The following TESK1 variants were observed in gnomAD, a reference collection of about 807,000 sequenced individuals.
TESK1 encodes the protein testis associated actin remodelling kinase 1, also known as dual specificity testis-specific protein kinase 1.
TESK1 carries 18 observed loss-of-function variants against 59.9 expected under a neutral mutation model. That is an observed-to-expected ratio of 0.30 (90% CI 0.21 to 0.45). The LOEUF (loss-of-function observed/expected upper bound fraction) is 0.45, where lower values mean the gene tolerates loss of function less well. Ranked by LOEUF, TESK1 falls within the 20% of genes least tolerant of loss-of-function variation. TESK1 has a pLI of 1.00. For synonymous variants in TESK1, 341 were observed against 357.4 expected, an observed-to-expected ratio of 0.95 and a Z score of 0.52; for missense variants, 748 against 840.9, an observed-to-expected ratio of 0.89 and a Z score of 1.37.
chr9:35,608,318 G>C lies in TESK1; in HGVS notation c.885+69G>C. On this transcript the variant is annotated intron_variant, in intron 8 of 9. Transcript: ENST00000336395. ...GTAAGCTGCCATGGCTGCCCTGTGG[G>C]ACCCAGGTGATGGGAGGAAACTCAG... 7 of 1,609,162 alleles carry C rather than the reference G, an allele frequency of 4.4e-6. No individual in the cohort carries two copies. The South Asian group carries it at 7.7e-5, about 18-fold the overall frequency.
In TESK1 at chr9:35,609,851, C is replaced by A. The variant is rs1429646677; in HGVS notation, c.*109C>A. The A allele has an allele frequency of 1.5e-6, 2 of 1,321,670 alleles. No homozygotes were observed. The highest frequency in any genetic ancestry group is 3.0e-5 in the African/African-American group (2 of 67,504). 81.9% of individuals were successfully genotyped at this position (1,321,670 alleles called of 1,614,324 possible). ...GTTCCAGATGGGCTGACCGGCTCTT[C>A]TCCCCGTGTAGGGGAGCCCCAGCAT... On this transcript the variant is annotated 3_prime_UTR_variant, in exon 10 of 10. Coordinates refer to ENST00000336395, the MANE Select transcript of TESK1 (RefSeq NM_006285.3). This position sits in a 1 kb window ranked among gnomAD's most constrained non-coding sequence, Gnocchi z 6.7.
chr9:35,609,022 C>T lies in TESK1; in HGVS notation c.1161C>T (p.Leu387=). ...ACCCCTTCTCACTACGGGAAGACCT[C>T]AGGGGTGGCAAGATCAAGCTCTTAG... is the stretch of plus-strand genomic sequence containing the variant. ...RVNPFSLRED[L]RGGKIKLLDT... Residue 387 remains leucine (L), a synonymous_variant, in exon 10 of 10, where the codon CTC becomes CTT. Transcript: ENST00000336395. This position sits in a 1 kb window ranked among gnomAD's most constrained non-coding sequence, Gnocchi z 6.7. 1.9e-6 allele frequency: 3 copies of T among 1,614,212 alleles called. No individual in the cohort carries two copies. Among genetic ancestry groups the T allele is most frequent in the Non-Finnish European group, 2.5e-6 (3 of 1,180,036 alleles).
At position 35,607,800 on chromosome 9, in the gene TESK1, C is replaced by A; in HGVS notation, c.711+128C>A. On this transcript the variant is annotated intron_variant, in intron 6 of 9. Coordinates refer to ENST00000336395, the MANE Select transcript of TESK1 (RefSeq NM_006285.3). The surrounding 1 kb of genome is among the most constrained non-coding windows in gnomAD (Gnocchi z 4.5). The stretch of plus-strand genomic sequence containing the variant: ...GTCCCCAAGATCCCTTTGCCCCTCA[C>A]AGGCACCCTTCTAACACATGAAAAC... The A allele has an allele frequency of 5.5e-6, 7 of 1,280,850 alleles. No individual in the cohort carries two copies. The South Asian group carries it at 9.2e-5, about 17-fold the overall frequency. The allele number at this position is 1,280,850 out of a possible 1,614,324, so 79.3% of individuals were successfully genotyped here.
Position 35,609,819 on chromosome 9 carries a change from A to G in TESK1, c.*77A>G. On this transcript the variant is annotated 3_prime_UTR_variant, in exon 10 of 10. Transcript: ENST00000336395. The surrounding 1 kb of genome is among the most constrained non-coding windows in gnomAD (Gnocchi z 6.7). ...TAAGAACAGAGCACACTTGCTGGAC[A>G]GTGCCAGTTCCAGATGGGCTGACCG... The G allele has an allele frequency of 7.0e-7, 1 of 1,435,636 alleles. No homozygotes were observed. Among genetic ancestry groups the G allele is most frequent in the Non-Finnish European group, 9.2e-7 (1 of 1,090,708 alleles). 88.9% of individuals were successfully genotyped at this position (1,435,636 alleles called of 1,614,324 possible).
rs537640834 is a variant in TESK1 at position 35,609,877 on chromosome 9, G to C, written c.*135G>C. ...TCCCCGTGTAGGGGAGCCCCAGCATGGACTCAAGGGACAGAGCACTTCCAG... is the reference window on the plus strand; with the variant it reads ...TCCCCGTGTAGGGGAGCCCCAGCATCGACTCAAGGGACAGAGCACTTCCAG... On this transcript the variant is annotated 3_prime_UTR_variant, in exon 10 of 10. Transcript: ENST00000336395. This position sits in a 1 kb window ranked among gnomAD's most constrained non-coding sequence, Gnocchi z 6.7. The C allele has an allele frequency of 2.7e-5, 29 of 1,080,724 alleles. No homozygotes were observed. The East Asian group carries it at 7.5e-4, about 28-fold the overall frequency. 66.9% of individuals were successfully genotyped at this position (1,080,724 alleles called of 1,614,324 possible). A position where few individuals can be genotyped will look rare whatever the true frequency, so the allele number is the denominator to read the frequency against.
intron 8 of TESK1, 65 bp from the exon 9 acceptor site, chr9:35,608,330 G>A: frequency 1.2e-6 from 2 of 1,608,960 alleles, no homozygotes; most frequent in Admixed American, 3.3e-5. Flanking sequence ...CCCAGGTGAT[G>A]GGAGGAAACT....
Position 35,605,545 on chromosome 9 carries a change from G to A in TESK1, c.-75G>A. 2.6e-6 allele frequency: 1 copy of A among 381,998 alleles called. No homozygotes were observed. Among genetic ancestry groups the A allele is most frequent in the Non-Finnish European group, 4.2e-6 (1 of 238,522 alleles). 23.7% of individuals were successfully genotyped at this position (381,998 alleles called of 1,614,324 possible). A position where few individuals can be genotyped will look rare whatever the true frequency, so the allele number is the denominator to read the frequency against. On this transcript the variant is annotated 5_prime_UTR_variant, in exon 1 of 10. Coordinates refer to ENST00000336395, the MANE Select transcript of TESK1 (RefSeq NM_006285.3). The stretch of plus-strand genomic sequence containing the variant: ...GCGCCCGGGATCGGGCTGGGCCCGC[G>A]CCCATGGCAAGCGCGGCCTGCCCGG...
At position 35,607,917 on chromosome 9, in the gene TESK1, C is replaced by G; in HGVS notation, c.712-11C>G. 6.2e-7 allele frequency: 1 copy of G among 1,613,616 alleles called. No homozygotes were observed. Reference sequence around the variant, plus strand: ...TAATTCTTCCCCGACACTATTATCTCTGACCCCCAGGCTGATGTCTTTGCC... The same window carrying G: ...TAATTCTTCCCCGACACTATTATCTGTGACCCCCAGGCTGATGTCTTTGCC... On this transcript the variant is annotated splice_polypyrimidine_tract_variant and intron_variant, in intron 6 of 9. Transcript: ENST00000336395. This position sits in a 1 kb window ranked among gnomAD's most constrained non-coding sequence, Gnocchi z 4.5.
rs1822880921 is a variant in TESK1 at position 35,607,910 on chromosome 9, A to G, written c.712-18A>G. The stretch of plus-strand genomic sequence containing the variant: ...AAACTGTTAATTCTTCCCCGACACT[A>G]TTATCTCTGACCCCCAGGCTGATGT... On this transcript the variant is annotated intron_variant, in intron 6 of 9. Transcript: ENST00000336395. The surrounding 1 kb of genome is among the most constrained non-coding windows in gnomAD (Gnocchi z 4.5). 2.5e-6 allele frequency: 4 copies of G among 1,612,476 alleles called. No homozygotes were observed. Among genetic ancestry groups the G allele is most frequent in the Admixed American group, 1.7e-5 (1 of 59,800 alleles).
chr9:35,608,981 A>G lies in TESK1; in HGVS notation c.1120A>G (p.Asn374Asp), dbSNP rs998062492. The G allele has an allele frequency of 6.2e-7, 1 of 1,614,174 alleles. No individual in the cohort carries two copies. The highest frequency in any genetic ancestry group is 8.5e-7 in the Non-Finnish European group (1 of 1,180,020). ...SPESPPNWGD[N>D]LTRVNPFSLR... ...AGAATCACCCCCCAACTGGGGGGAC[A>G]ATCTGACTCGAGTCAACCCCTTCTC... Residue 374 changes from asparagine to aspartate, a missense_variant, in exon 10 of 10, where the codon AAT becomes GAT. This residue lies in a region of TESK1 where 447 missense variants were observed against 466.1 expected (regional missense o/e 0.96). Transcript: ENST00000336395.
rs780729192 is a variant in TESK1, at chr9:35,609,759, C to G, written c.*17C>G. On this transcript the variant is annotated 3_prime_UTR_variant, in exon 10 of 10. Coordinates refer to ENST00000336395, the MANE Select transcript of TESK1 (RefSeq NM_006285.3). This position sits in a 1 kb window ranked among gnomAD's most constrained non-coding sequence, Gnocchi z 6.7. Reference sequence around the variant, plus strand: ...CGCTCTTAGCAGTGGAGCCCGTGGTCTCAGGCCTCCAACTTTGGCCTTCAG... The same window carrying G: ...CGCTCTTAGCAGTGGAGCCCGTGGTGTCAGGCCTCCAACTTTGGCCTTCAG... 1.5e-5 allele frequency: 23 copies of G among 1,550,200 alleles called. No homozygotes were observed. The South Asian group carries it at 2.2e-4, about 15-fold the overall frequency.
rs765676390 is a variant in TESK1 at position 35,607,295 on chromosome 9, G to A, written c.538-32G>A. Reference sequence around the variant, plus strand: ...GAGGCCAGACAGCAGAAGGTGATGAGTGCGTGGGGATACTATGTGTGTGTG... The same window carrying A: ...GAGGCCAGACAGCAGAAGGTGATGAATGCGTGGGGATACTATGTGTGTGTG... On this transcript the variant is annotated intron_variant, in intron 4 of 9. Transcript: ENST00000336395. This position sits in a 1 kb window ranked among gnomAD's most constrained non-coding sequence, Gnocchi z 4.5. The A allele has an allele frequency of 1.2e-6, 2 of 1,613,222 alleles. No homozygotes were observed. The highest frequency in any genetic ancestry group is 1.7e-6 in the Non-Finnish European group (2 of 1,179,302).
chr9:35,607,465 C>T lies in TESK1; in HGVS notation c.620+56C>T, dbSNP rs999152725. The T allele has an allele frequency of 2.5e-6, 4 of 1,599,256 alleles. No individual in the cohort carries two copies. Among genetic ancestry groups the T allele is most frequent in the Non-Finnish European group, 3.4e-6 (4 of 1,166,714 alleles). On this transcript the variant is annotated intron_variant, in intron 5 of 9. Transcript: ENST00000336395. The surrounding 1 kb of genome is among the most constrained non-coding windows in gnomAD (Gnocchi z 4.5). The stretch of plus-strand genomic sequence containing the variant: ...CTCCCAGAGTGCCCCTATCTGATGT[C>T]CCCAGAGCCCCAGGGATGTTTCCCT...
chr9:35,606,702 T>G (rs1822855692), intron 3 of TESK1, 135 bp from the exon 4 acceptor site: 9 of 737,280 alleles, frequency 1.2e-5, no homozygotes, highest in Non-Finnish European at 1.9e-5. Flanking sequence ...AGAACATGGA[T>G]GGGGGGGGTC....
At position 35,605,745 on chromosome 9, in the gene TESK1, G is replaced by T. The variant is rs1484201363; in HGVS notation, c.126G>T (p.Arg42=). ...GCCGGGGCCGCCCCTCCTCCTACCGGGCTCTCCGCAGCGCCGTGTCTAGCC... is the reference window on the plus strand; with the variant it reads ...GCCGGGGCCGCCCCTCCTCCTACCGTGCTCTCCGCAGCGCCGTGTCTAGCC... ...GPGRGRPSSY[R]ALRSAVSSLA... Residue 42 remains arginine (R), a synonymous_variant, in exon 1 of 10, where the codon CGG becomes CGT. Coordinates refer to ENST00000336395, the MANE Select transcript of TESK1 (RefSeq NM_006285.3). The T allele has an allele frequency of 6.2e-7, 1 of 1,602,650 alleles. No homozygotes were observed. The highest frequency in any genetic ancestry group is 8.5e-7 in the Non-Finnish European group (1 of 1,175,118).
At chr9:35,608,732 C>A in intron 9 of TESK1, 130 bp from the exon 10 acceptor site, 1 of 1,167,540 alleles carries the variant, frequency 8.6e-7, no homozygotes. Flanking sequence ...GACATCACCC[C>A]TTTCCAAAGC....
In TESK1 at chr9:35,607,187, A is replaced by G. The variant is rs1445824112; in HGVS notation, c.538-140A>G. On this transcript the variant is annotated intron_variant, in intron 4 of 9. Transcript: ENST00000336395. This position sits in a 1 kb window ranked among gnomAD's most constrained non-coding sequence, Gnocchi z 4.5. ...TGTTTGGAGTGTTGGATGATGTTGCAATATTGAAGTGCCTTGAAAAACTGG... is the reference window on the plus strand; with the variant it reads ...TGTTTGGAGTGTTGGATGATGTTGCGATATTGAAGTGCCTTGAAAAACTGG... The G allele has an allele frequency of 1.3e-5, 16 of 1,274,056 alleles. No individual in the cohort carries two copies. The Admixed American group carries it at 3.1e-4, about 25-fold the overall frequency. 78.9% of individuals were successfully genotyped at this position (1,274,056 alleles called of 1,614,324 possible).
At chr9:35,606,753 G>C in intron 3 of TESK1, 84 bp from the exon 4 acceptor site, 1 of 1,388,926 alleles carries the variant, frequency 7.2e-7, no homozygotes, top group Non-Finnish European at 9.9e-7. Flanking sequence ...GTGATCCTCG[G>C]GAGTGTCCCC....
In TESK1 at chr9:35,605,544, C is replaced by T. The variant is rs1456355346; in HGVS notation, c.-76C>T. The T allele has an allele frequency of 8.0e-6, 3 of 377,098 alleles. No homozygotes were observed. Among genetic ancestry groups the T allele is most frequent in the Non-Finnish European group, 8.5e-6 (2 of 234,620 alleles). 23.4% of individuals were successfully genotyped at this position (377,098 alleles called of 1,614,324 possible). On this transcript the variant is annotated 5_prime_UTR_variant, in exon 1 of 10. Transcript: ENST00000336395. The stretch of plus-strand genomic sequence containing the variant: ...GGCGCCCGGGATCGGGCTGGGCCCG[C>T]GCCCATGGCAAGCGCGGCCTGCCCG...
Sources: allele counts gnomAD v4.1 joint callset, GRCh38; gene constraint gnomAD v4.1.1; regional missense constraint gnomAD v4.1.1; non-coding constraint Gnocchi (gnomAD v3.1); transcripts MANE v1.5; gene names NCBI Gene and HGNC (gene_info 2026-07-23, HGNC 2026-07-21).